API5: variants seen among roughly 807,000 people sequenced by gnomAD.
API5 encodes apoptosis inhibitor 5.
API5 carries 6 observed loss-of-function variants against 71.9 expected under a neutral mutation model. That is an observed-to-expected ratio of 0.08 (90% CI 0.05 to 0.16). The LOEUF (loss-of-function observed/expected upper bound fraction) is 0.16. API5 is among the 10% of genes least tolerant of loss of function. API5 has a pLI of 1.00. For missense variants in API5, 332 were observed against 612.8 expected (o/e 0.54, Z 4.84); for synonymous variants, 189 against 221.3 (o/e 0.85, Z 1.30).
chr11:43,326,503 A>T lies in API5; in HGVS notation c.751-4A>T. The T allele has an allele frequency of 6.3e-7, 1 of 1,582,922 alleles. No homozygotes were observed. The highest frequency in any genetic ancestry group is 8.6e-7 in the Non-Finnish European group (1 of 1,159,190). On this transcript the variant is annotated splice_polypyrimidine_tract_variant and splice_region_variant and intron_variant, in intron 6 of 13. Coordinates refer to ENST00000531273, the MANE Select transcript of API5 (RefSeq NM_001142930.2). The stretch of plus-strand genomic sequence containing the variant: ...ACAATGCATTTTCTTTGGATTTCTT[A>T]CAGAAAAATGTCCATTCCACAAGGT...
At chr11:43,330,091 T>C (rs1392564116) in intron 10 of API5, 33 bp downstream of exon 10, 6 of 1,541,652 alleles carry the variant, frequency 3.9e-6, no homozygotes, top group Non-Finnish European at 4.5e-6. Flanking sequence ...CATAAACTGC[T>C]AGTTCCATAC....
intron 1 of API5, among the ~76,000 whole-genome samples, chr11:43,315,073 C>T (rs1275199433): frequency 3.9e-5 from 6 of 152,172 alleles, no homozygotes; most frequent in African/African-American, 1.4e-4. Flanking sequence ...TCAGTCTTGA[C>T]TTCCTTCTAA....
At chr11:43,339,101 A>G (rs1003622621) in intron 13 of API5, 1 of 152,226 alleles carries the variant, frequency 6.6e-6, no homozygotes, top group Non-Finnish European at 1.5e-5. Flanking sequence ...CATACTAATC[A>G]GCTTGTAAAA....
chr11:43,325,413 C>T (rs1855038092), intron 6 of API5, among the ~76,000 whole-genome samples: 1 of 152,192 alleles, frequency 6.6e-6, no homozygotes, highest in African/African-American at 2.4e-5. Flanking sequence ...AGGGACAAGA[C>T]AACGTCAAAG....
intron 9 of API5, chr11:43,329,127 A>G (rs1375205803): frequency 2.2e-5 from 10 of 454,208 alleles, no homozygotes; most frequent in Non-Finnish European, 3.2e-5. Flanking sequence ...GGGTTGCTTG[A>G]CACCAGGAGT....
At chr11:43,323,396 A>G in intron 5 of API5, 34 bp from the exon 6 acceptor site, 1 of 1,549,936 alleles carries the variant, frequency 6.5e-7, no homozygotes. Flanking sequence ...TCAAATGATG[A>G]ACATACTCTT....
At chr11:43,327,486 C>T (rs1017769843) in intron 7 of API5, among the ~76,000 whole-genome samples, 5 of 152,170 alleles carry the variant, frequency 3.3e-5, no homozygotes, top group Non-Finnish European at 7.3e-5. Context: ...CAGAAAGTGT[C>T]GTATGTATTA....
At chr11:43,323,663 G>C (rs1435173974) in intron 6 of API5, 27 bp downstream of exon 6, 13 of 1,590,350 alleles carry the variant, frequency 8.2e-6, no homozygotes. Context: ...TACACACCCG[G>C]TATTAGCTAT....
At position 43,342,570 on chromosome 11, in the gene API5, C is replaced by T. The variant is rs1554978636; in HGVS notation, c.*60C>T. On this transcript the variant is annotated 3_prime_UTR_variant, in exon 14 of 14. Transcript: ENST00000531273. The stretch of plus-strand genomic sequence containing the variant: ...CTTAATATACTTAAATTCTACTACT[C>T]ATTGGATTGCCGGGGATGTCCCTTT... 6.5e-7 allele frequency: 1 copy of T among 1,542,658 alleles called. No individual in the cohort carries two copies.
Position 43,342,929 on chromosome 11 carries a change from A to G in API5, c.*419A>G. On this transcript the variant is annotated 3_prime_UTR_variant, in exon 14 of 14. Transcript: ENST00000531273. ...TTTACCCAATATATGGAGAAGAGTAATGGTCAATCTTAACATTTTGTTTTA... is the reference window on the plus strand; with the variant it reads ...TTTACCCAATATATGGAGAAGAGTAGTGGTCAATCTTAACATTTTGTTTTA... 2.5e-6 allele frequency: 1 copy of G among 401,338 alleles called. No individual in the cohort carries two copies. The highest frequency in any genetic ancestry group is 4.4e-6 in the Non-Finnish European group (1 of 225,846). 24.9% of individuals were successfully genotyped at this position (401,338 alleles called of 1,614,324 possible).
At chr11:43,337,682 C>T (rs1351212744) in intron 13 of API5, among the ~76,000 whole-genome samples, 1 of 152,202 alleles carries the variant, frequency 6.6e-6, no homozygotes, top group Non-Finnish European at 1.5e-5. Context: ...GGTTGAATCA[C>T]ATGTTGTTCT....
chr11:43,320,226 A>G (rs1289827989), intron 2 of API5, among the ~76,000 whole-genome samples: 1 of 151,346 alleles, frequency 6.6e-6, no homozygotes, highest in Non-Finnish European at 1.5e-5. Flanking sequence ...TTGTATTTTT[A>G]GTACGGACAG....
intron 1 of API5, among the ~76,000 whole-genome samples, chr11:43,317,235 G>A (rs1854703443): frequency 6.6e-6 from 1 of 152,088 alleles, no homozygotes; most frequent in South Asian, 2.1e-4. Context: ...CAATATATAT[G>A]TGTAGTCTTT....
chr11:43,322,845 C>A (rs997455943), intron 5 of API5, among the ~76,000 whole-genome samples: 5 of 152,118 alleles, frequency 3.3e-5, no homozygotes, highest in Non-Finnish European at 7.4e-5. Flanking sequence ...GACTATTTTA[C>A]CTATGCCCCA....
At chr11:43,342,207 G>T (rs1855640749) in intron 13 of API5, among the ~76,000 whole-genome samples, 1 of 152,182 alleles carries the variant, frequency 6.6e-6, no homozygotes, top group Non-Finnish European at 1.5e-5. Flanking sequence ...ATTTAATTAA[G>T]CAACTACCAT....
chr11:43,335,656 T>G (rs1855408868), intron 12 of API5, among the ~76,000 whole-genome samples: 1 of 152,210 alleles, frequency 6.6e-6, no homozygotes, highest in South Asian at 2.1e-4. Flanking sequence ...CAGATTATTT[T>G]AAAGGCTTGT....
intron 2 of API5, among the ~76,000 whole-genome samples, chr11:43,319,929 A>T (rs11601450): frequency 6.6e-6 from 1 of 152,130 alleles, no homozygotes; most frequent in Non-Finnish European, 1.5e-5. Flanking sequence ...TATAATTAGC[A>T]TGTAAATAGT....
Position 43,312,235 on chromosome 11 carries a change from T to C in API5, c.69+39T>C, listed in dbSNP as rs1410931408. The C allele has an allele frequency of 4.4e-6, 7 of 1,598,902 alleles. No individual in the cohort carries two copies. The South Asian group carries it at 5.5e-5, about 13-fold the overall frequency. On this transcript the variant is annotated intron_variant, in intron 1 of 13. Coordinates refer to ENST00000531273, the MANE Select transcript of API5 (RefSeq NM_001142930.2). Reference sequence around the variant, plus strand: ...CCGGGCGGCCTGCAGGGCCTGGCGCTCCGCGGCCTTTCGAAAGCGCTTCCC... The same window carrying C: ...CCGGGCGGCCTGCAGGGCCTGGCGCCCCGCGGCCTTTCGAAAGCGCTTCCC...
intron 11 of API5, among the ~76,000 whole-genome samples, chr11:43,334,484 C>T (rs982569199): frequency 6.6e-6 from 1 of 152,116 alleles, no homozygotes; most frequent in Non-Finnish European, 1.5e-5. Flanking sequence ...GTTTATATAC[C>T]AGGGACGATT....
Sources: gnomAD v4.1 joint callset for allele counts (sites outside exome capture counted in the v4.1 genomes callset) on GRCh38, gnomAD v4.1.1 for gene constraint, MANE v1.5 for transcripts, NCBI Gene and HGNC (gene_info 2026-07-23, HGNC 2026-07-21) for gene names.